Variants in NRG1 observed in about 807,000 individuals in gnomAD.
The protein encoded by NRG1 is neuregulin 1, also known as pro-neuregulin-1, membrane-bound isoform.
A neutral mutation model predicts 63.8 loss-of-function variants in NRG1; 18 were observed. The observed-to-expected ratio is 0.28, with a 90% CI of 0.19 to 0.42. The LOEUF (loss-of-function observed/expected upper bound fraction) is 0.42, where lower values mean the gene tolerates loss of function less well. NRG1 is among the 10% of genes least tolerant of loss of function. NRG1 has a pLI of 1.00. For synonymous variants in NRG1, 302 were observed against 301.3 expected (o/e 1.00, Z -0.02); for missense variants, 762 against 814.7 (o/e 0.94, Z 0.79).
chr8:32,760,567 G>GAT, intron 11 of NRG1, 161 bp downstream of exon 11: 13 of 1,438,986 alleles, frequency 9.0e-6, no homozygotes, highest in South Asian at 5.9e-5. Flanking sequence ...CTCTTTGTTT[G>GAT]ACGGAACTTA....
chr8:32,376,530 A>C (rs1343015411), intron 1 of NRG1, among the ~76,000 whole-genome samples: 1 of 152,192 alleles, frequency 6.6e-6, no homozygotes, highest in Non-Finnish European at 1.5e-5. Flanking sequence ...CCAGAGGTTA[A>C]TACATATGCT....
intron 1 of NRG1, among the ~76,000 whole-genome samples, chr8:32,380,123 C>T (rs1810153966): frequency 6.6e-6 from 1 of 152,222 alleles, no homozygotes; most frequent in South Asian, 2.1e-4. Context: ...TTGCCAAATT[C>T]AGTCACTTTT....
intron 1 of NRG1, among the ~76,000 whole-genome samples, chr8:32,341,791 C>A (rs529457247): frequency 6.6e-6 from 1 of 151,982 alleles, no homozygotes; most frequent in Admixed American, 6.6e-5. Context: ...TTCCAAAGTA[C>A]AAGTATAGAG....
intron 1 of NRG1, among the ~76,000 whole-genome samples, chr8:32,060,942 T>C (rs1823745881): frequency 6.6e-6 from 1 of 151,932 alleles, no homozygotes; most frequent in Admixed American, 6.6e-5. Flanking sequence ...TTTTTTACTT[T>C]CAGGGACCAA....
At chr8:32,024,547 G>T (rs1816947660) in intron 1 of NRG1, among the ~76,000 whole-genome samples, 1 of 152,100 alleles carries the variant, frequency 6.6e-6, no homozygotes, top group Admixed American at 6.6e-5. Context: ...AATAGCCTTT[G>T]GAGCCAATGG....
intron 1 of NRG1, among the ~76,000 whole-genome samples, chr8:31,930,364 C>T (rs1834761341): frequency 6.6e-6 from 1 of 152,140 alleles, no homozygotes; most frequent in Non-Finnish European, 1.5e-5. Flanking sequence ...CTAGAAACTC[C>T]AGCAAGTGGT....
intron 1 of NRG1, among the ~76,000 whole-genome samples, chr8:32,419,861 C>G (rs1169920518): frequency 6.6e-6 from 1 of 152,180 alleles, no homozygotes; most frequent in African/African-American, 2.4e-5. Context: ...TTGTCTGTCT[C>G]TCTCCATAGT....
intron 1 of NRG1, among the ~76,000 whole-genome samples, chr8:31,747,312 A>G (rs896845745): frequency 6.6e-6 from 1 of 151,904 alleles, no homozygotes; most frequent in African/African-American, 2.4e-5. Flanking sequence ...TGTATCCACA[A>G]AAAAAGTGTT....
At chr8:32,370,086 C>A (rs192772800) in intron 1 of NRG1, among the ~76,000 whole-genome samples, 41 of 152,190 alleles carry the variant, frequency 2.7e-4, no homozygotes, top group African/African-American at 8.7e-4. Context: ...CATGAACTGG[C>A]AAATGGCAAC....
At chr8:31,971,259 G>T (rs894655218) in intron 1 of NRG1, among the ~76,000 whole-genome samples, 2 of 151,942 alleles carry the variant, frequency 1.3e-5, no homozygotes, top group Non-Finnish European at 2.9e-5. Context: ...CTTTCAAAGA[G>T]CAAAAATTCT....
chr8:31,791,052 T>C (rs776868915), intron 1 of NRG1, among the ~76,000 whole-genome samples: 1 of 151,418 alleles, frequency 6.6e-6, no homozygotes, highest in Admixed American at 6.6e-5. Context: ...CCTACTATAA[T>C]AGAAAAATTA....
chr8:31,916,794 T>C (rs1268032410), intron 1 of NRG1, among the ~76,000 whole-genome samples: 1 of 151,988 alleles, frequency 6.6e-6, no homozygotes, highest in Admixed American at 6.6e-5. Context: ...ACTTCCACAA[T>C]GGTTGAACTA....
intron 1 of NRG1, among the ~76,000 whole-genome samples, chr8:32,199,050 T>C (rs1043224134): frequency 6.6e-6 from 1 of 152,182 alleles, no homozygotes; most frequent in African/African-American, 2.4e-5. Flanking sequence ...CCGCTCTGCT[T>C]ATTTTGAACA....
Position 31,640,087 on chromosome 8 carries a change from C to G in NRG1, c.37+656C>G. On this transcript the variant is annotated intron_variant, in intron 1 of 10. Coordinates refer to the NRG1 transcript ENST00000519301. The surrounding 1 kb of genome is among the most constrained non-coding windows in gnomAD (Gnocchi z 6.3). The stretch of plus-strand genomic sequence containing the variant: ...GTCGCCGCCGCTGCCGCTGCTGCCA[C>G]TACTGCTGCTGCTGGGGACCGCGGC... 1.8e-6 allele frequency: 2 copies of G among 1,140,912 alleles called. No homozygotes were observed. Among genetic ancestry groups the G allele is most frequent in the Non-Finnish European group, 2.1e-6 (2 of 931,376 alleles). 70.7% of individuals were successfully genotyped at this position (1,140,912 alleles called of 1,614,324 possible).
chr8:31,907,582 T>C lies in NRG1; in HGVS notation c.37+268151T>C, dbSNP rs186124578. On this transcript the variant is annotated intron_variant, in intron 1 of 10. Coordinates refer to the NRG1 transcript ENST00000519301. ...AAACACAAAAAACCCTGACACATAG[T>C]ATGTGCTTTGTAAACTGTAGCTCTT... 1.1e-4 allele frequency among the ~76,000 whole-genome samples: 17 copies of C among 152,298 alleles called. No individual in the cohort carries two copies. In the South Asian group the frequency reaches 1.7e-3, roughly 15 times the overall value.
intron 1 of NRG1, among the ~76,000 whole-genome samples, chr8:32,507,588 G>A (rs555934503): frequency 6.6e-6 from 1 of 152,244 alleles, no homozygotes; most frequent in African/African-American, 2.4e-5. Context: ...AAAAAACTAA[G>A]TTTATAATGC....
At chr8:32,252,373 A>C (rs184272904) in intron 1 of NRG1, among the ~76,000 whole-genome samples, 28 of 152,262 alleles carry the variant, frequency 1.8e-4, no homozygotes, top group African/African-American at 6.7e-4. Context: ...ATTTTTGTAT[A>C]AGGTGTAAGG....
intron 5 of NRG1, among the ~76,000 whole-genome samples, chr8:32,704,372 A>G (rs1201071396): frequency 3.9e-5 from 6 of 152,228 alleles, no homozygotes; most frequent in Non-Finnish European, 8.8e-5. Context: ...AAGAGCAGTG[A>G]TAGTATCCGG....
chr8:31,853,238 C>T (rs549375144), intron 1 of NRG1, among the ~76,000 whole-genome samples: 1 of 152,240 alleles, frequency 6.6e-6, no homozygotes, highest in South Asian at 2.1e-4. Flanking sequence ...TCTTCCTACC[C>T]ATGAGCATGG....
Sources: gnomAD v4.1 joint callset for allele counts (sites outside exome capture counted in the v4.1 genomes callset) on GRCh38, gnomAD v4.1.1 for gene constraint, Gnocchi (gnomAD v3.1) non-coding constraint, MANE v1.5 for transcripts, NCBI Gene and HGNC (gene_info 2026-07-23, HGNC 2026-07-21) for gene names.